PPFIA2: variants seen among roughly 807,000 people sequenced by gnomAD.
PPFIA2 encodes the protein liprin-alpha-2.
In PPFIA2, 46 loss-of-function variants were observed where a neutral mutation model predicts 175.5. The ratio of observed to expected loss-of-function variants is 0.26; its 90% CI spans 0.21 to 0.34. The LOEUF is 0.34. PPFIA2 is among the 10% of genes least tolerant of loss of function. The probability of loss-of-function intolerance (pLI) is 1.00; values close to 1 mark genes in which losing one functional copy is unlikely to be tolerated. For synonymous variants in PPFIA2, 568 were observed against 511.4 expected (o/e 1.11, Z -1.49); for missense variants, 1,179 against 1,506.1 (o/e 0.78, Z 3.60).
chr12:81,589,288 T>G (rs940126567), intron 4 of PPFIA2, among the ~76,000 whole-genome samples: 11 of 152,104 alleles, frequency 7.2e-5, no homozygotes, highest in African/African-American at 1.9e-4. Flanking sequence ...GGCTACTCAT[T>G]GATTTCTATG....
intron 4 of PPFIA2, among the ~76,000 whole-genome samples, chr12:81,512,717 T>C (rs993712516): frequency 6.6e-6 from 1 of 152,002 alleles, no homozygotes; most frequent in African/African-American, 2.4e-5. Context: ...GTCCCAAAAG[T>C]TCATTACCTC....
intron 27 of PPFIA2, among the ~76,000 whole-genome samples, chr12:81,278,359 G>A (rs1291205048): frequency 6.6e-6 from 1 of 151,986 alleles, no homozygotes; most frequent in Non-Finnish European, 1.5e-5. Flanking sequence ...TGGTCAATAT[G>A]GTGAAACCCC....
At chr12:81,529,848 T>A (rs770693808) in intron 4 of PPFIA2, among the ~76,000 whole-genome samples, 1 of 151,586 alleles carries the variant, frequency 6.6e-6, no homozygotes, top group African/African-American at 2.4e-5. Flanking sequence ...TGAGAGAGGA[T>A]AAAGAAAAAT....
At chr12:81,711,577 T>C (rs1322046291) in intron 3 of PPFIA2, among the ~76,000 whole-genome samples, 2 of 151,460 alleles carry the variant, frequency 1.3e-5, no homozygotes, top group African/African-American at 2.4e-5. Context: ...CCTGTATACC[T>C]GGTGGTGGGC....
chr12:81,373,814 C>A (rs2035747918), intron 11 of PPFIA2, among the ~76,000 whole-genome samples: 1 of 151,978 alleles, frequency 6.6e-6, no homozygotes, highest in Admixed American at 6.6e-5. Flanking sequence ...ACCTATCATA[C>A]TCACTTATTG....
At chr12:81,378,988 G>A (rs1408419766) in intron 9 of PPFIA2, among the ~76,000 whole-genome samples, 1 of 151,994 alleles carries the variant, frequency 6.6e-6, no homozygotes, top group East Asian at 1.9e-4. Flanking sequence ...ATAAATAATA[G>A]CTGTTATTTA....
chr12:81,401,821 T>C (rs2042138795), intron 8 of PPFIA2, among the ~76,000 whole-genome samples: 1 of 152,218 alleles, frequency 6.6e-6, no homozygotes, highest in Non-Finnish European at 1.5e-5. Flanking sequence ...AGAGCCTGGT[T>C]CTGAAAAGGT....
At chr12:81,672,488 A>G (rs1046711936) in intron 4 of PPFIA2, among the ~76,000 whole-genome samples, 4 of 151,882 alleles carry the variant, frequency 2.6e-5, no homozygotes, top group South Asian at 2.1e-4. Context: ...CTCAGTGGGG[A>G]AAAAAAACCT....
intron 22 of PPFIA2, among the ~76,000 whole-genome samples, chr12:81,309,784 C>T (rs984241088): frequency 2.4e-4 from 37 of 151,976 alleles, no homozygotes; most frequent in Admixed American, 2.2e-3. Flanking sequence ...AATTGAGTTG[C>T]GAGTTATGTA....
chr12:81,271,481 G>A (rs1032741122), intron 28 of PPFIA2, among the ~76,000 whole-genome samples: 22 of 152,256 alleles, frequency 1.4e-4, no homozygotes, highest in Admixed American at 1.0e-3. Flanking sequence ...TGTTAGTCAG[G>A]CTGGTCTCAT....
chr12:81,318,544 C>T (rs1475736297), intron 22 of PPFIA2, among the ~76,000 whole-genome samples: 1 of 151,734 alleles, frequency 6.6e-6, no homozygotes, highest in Non-Finnish European at 1.5e-5. Flanking sequence ...TAAAAATCAT[C>T]CTTAAGTATA....
chr12:81,543,998 C>T (rs1485791421), intron 4 of PPFIA2, among the ~76,000 whole-genome samples: 2 of 152,004 alleles, frequency 1.3e-5, no homozygotes, highest in Non-Finnish European at 2.9e-5. Context: ...TATGTGGTAT[C>T]CTGGAAGAGA....
intron 3 of PPFIA2, among the ~76,000 whole-genome samples, chr12:81,695,955 A>G (rs555660955): frequency 2.0e-5 from 3 of 152,232 alleles, no homozygotes; most frequent in Non-Finnish European, 2.9e-5. Context: ...GAATTTTGCA[A>G]TCAGAAAATC....
rs2048051379 is a variant in PPFIA2 at position 81,302,312 on chromosome 12, T to C, written c.2643-2930A>G. On this transcript the variant is annotated intron_variant, in intron 22 of 32. Coordinates refer to ENST00000549396, the MANE Select transcript of PPFIA2 (RefSeq NM_003625.5). ...ATTCTAGCTGATCCCAAGAGTCTGATCTATTTGGGATTCCTGGTGAGAATT... is the reference window on the plus strand; with the variant it reads ...ATTCTAGCTGATCCCAAGAGTCTGACCTATTTGGGATTCCTGGTGAGAATT... The C allele has an allele frequency of 1.2e-5, 3 of 256,384 alleles. No individual in the cohort carries two copies. The South Asian group carries it at 1.2e-4, about 10-fold the overall frequency. The allele number at this position is 256,384 out of a possible 1,614,324, so 15.9% of individuals were successfully genotyped here.
rs142182183 is a variant in PPFIA2, at chr12:81,552,976, C to T, written c.304-95110G>A. Among the ~76,000 whole-genome samples the T allele has an allele frequency of 5.8e-3, 875 of 152,124 alleles. 24 individuals are homozygous for T. Among genetic ancestry groups the T allele is most frequent in the Admixed American group, 0.051 (775 of 15,230 alleles). On this transcript the variant is annotated intron_variant, in intron 4 of 32. Transcript: ENST00000549396. Reference sequence around the variant, plus strand: ...TAATAAATAGTAACTGAGTCCTCTGCCATTCACTTTGCTCATCACTGAGGA... The same window carrying T: ...TAATAAATAGTAACTGAGTCCTCTGTCATTCACTTTGCTCATCACTGAGGA...
At chr12:81,614,354 G>A (rs1449063816) in intron 4 of PPFIA2, among the ~76,000 whole-genome samples, 1 of 152,106 alleles carries the variant, frequency 6.6e-6, no homozygotes, top group Non-Finnish European at 1.5e-5. Context: ...ATGATAAGAT[G>A]AGAAGAAAAG....
intron 17 of PPFIA2, among the ~76,000 whole-genome samples, chr12:81,350,864 T>C (rs548045618): frequency 3.5e-4 from 53 of 152,146 alleles, no homozygotes; most frequent in African/African-American, 1.3e-3. Context: ...TGAATAATAG[T>C]AGAAGGAAGC....
At chr12:81,615,956 A>G (rs2061395280) in intron 4 of PPFIA2, among the ~76,000 whole-genome samples, 1 of 152,164 alleles carries the variant, frequency 6.6e-6, no homozygotes, top group African/African-American at 2.4e-5. Context: ...AGAATCTACA[A>G]GAGAAGAGAC....
At chr12:81,692,476 T>G (rs1047810299) in intron 3 of PPFIA2, among the ~76,000 whole-genome samples, 3 of 152,172 alleles carry the variant, frequency 2.0e-5, no homozygotes, top group South Asian at 2.1e-4. Context: ...AGAGTCAATA[T>G]TCATATATTT....
Sources: allele counts gnomAD v4.1 joint callset (sites outside exome capture counted in the v4.1 genomes callset), GRCh38; gene constraint gnomAD v4.1.1; transcripts MANE v1.5; gene names NCBI Gene and HGNC (gene_info 2026-07-23, HGNC 2026-07-21).